The following PPM1L variants were observed in gnomAD, a reference collection of about 807,000 sequenced individuals.
PPM1L encodes protein phosphatase, Mg2+/Mn2+ dependent 1L.
Under a neutral mutation model 31.4 loss-of-function variants are expected in PPM1L, and 13 were observed. The ratio of observed to expected loss-of-function variants is 0.41; its 90% confidence interval spans 0.27 to 0.66. The LOEUF (loss-of-function observed/expected upper bound fraction) is 0.66. Ranked by LOEUF, PPM1L falls within the 30% of genes least tolerant of loss-of-function variation. The probability of loss-of-function intolerance (pLI) is 0.29; values close to 1 mark genes in which losing one functional copy is unlikely to be tolerated. For missense variants in PPM1L, 326 were observed against 453.7 expected, an observed-to-expected ratio of 0.72 and a Z score of 2.56; for synonymous variants, 184 against 175.4, an observed-to-expected ratio of 1.05 and a Z score of -0.39.
intron 1 of PPM1L, among the ~76,000 whole-genome samples, chr3:160,892,504 T>C (rs1413569818): frequency 2.0e-5 from 3 of 152,078 alleles, no homozygotes; most frequent in African/African-American, 7.2e-5. Flanking sequence ...TGGACAAATA[T>C]CCAAACCATG....
intron 1 of PPM1L, among the ~76,000 whole-genome samples, chr3:160,768,199 G>A (rs1025523377): frequency 2.6e-5 from 4 of 152,238 alleles, no homozygotes; most frequent in Middle Eastern, 3.4e-3. Context: ...GATAGGTCTG[G>A]CAGGGATTTT....
chr3:160,875,776 G>A (rs1426140197), intron 1 of PPM1L, among the ~76,000 whole-genome samples: 1 of 152,158 alleles, frequency 6.6e-6, no homozygotes, highest in East Asian at 1.9e-4. Context: ...TGGTAGCTGG[G>A]ATTTGTATCC....
chr3:160,796,315 T>G (rs1439402399), intron 1 of PPM1L, among the ~76,000 whole-genome samples: 6 of 152,184 alleles, frequency 3.9e-5, no homozygotes, highest in Admixed American at 1.3e-4. Context: ...AGGTGGGGTC[T>G]GGGGCAGGGT....
chr3:160,994,928 G>A (rs540088348), intron 2 of PPM1L, among the ~76,000 whole-genome samples: 3 of 152,266 alleles, frequency 2.0e-5, no homozygotes, highest in South Asian at 2.1e-4. Flanking sequence ...CAAGAAAGGC[G>A]CTCCAGGCAA....
chr3:160,880,219 T>G (rs1560136434), intron 1 of PPM1L, among the ~76,000 whole-genome samples: 1 of 152,148 alleles, frequency 6.6e-6, no homozygotes, highest in Non-Finnish European at 1.5e-5. Flanking sequence ...ACCATTACCT[T>G]ACAGCATTCA....
chr3:160,918,616 G>A (rs1011000402), intron 1 of PPM1L, among the ~76,000 whole-genome samples: 2 of 152,102 alleles, frequency 1.3e-5, no homozygotes, highest in Non-Finnish European at 2.9e-5. Flanking sequence ...GTTCTTATTT[G>A]ATATAAAAAT....
chr3:160,764,688 G>A (rs1037514289), intron 1 of PPM1L, among the ~76,000 whole-genome samples: 2 of 152,032 alleles, frequency 1.3e-5, no homozygotes, highest in African/African-American at 4.8e-5. Context: ...GGCTGGTCAT[G>A]AACTCCTGAC....
rs1559897294 is a variant in PPM1L at position 160,944,880 on chromosome 3, A to ATGT, written c.400-16855_400-16854insGTT. Among the ~76,000 whole-genome samples, 122 of 16,468 alleles carry ATGT rather than the reference A, an allele frequency of 7.4e-3. 7 individuals are homozygous for ATGT. The highest frequency in any genetic ancestry group is 0.017 in the African/African-American group (102 of 5,972). The allele number at this position is 16,468 out of a possible 152,430, so 10.8% of individuals were successfully genotyped here. A position where few individuals can be genotyped will look rare whatever the true frequency, so the allele number is the denominator to read the frequency against. ...TATTATATATAATGTTATATATAACATATATATTATATATAACTGATGTTA... is the reference window on the plus strand; with the variant it reads ...TATTATATATAATGTTATATATAACATGTTATATATTATATATAACTGATGTTA... On this transcript the variant is annotated intron_variant, in intron 1 of 3. Coordinates refer to ENST00000498165, the MANE Select transcript of PPM1L (RefSeq NM_139245.4).
At chr3:160,830,396 A>ACTAGC (rs2108097043) in intron 1 of PPM1L, among the ~76,000 whole-genome samples, 1 of 152,286 alleles carries the variant, frequency 6.6e-6, no homozygotes, top group African/African-American at 2.4e-5. Context: ...AGCAGTGACA[A>ACTAGC]CTAGCATGCA....
At chr3:160,764,435 T>C (rs1456622699) in intron 1 of PPM1L, among the ~76,000 whole-genome samples, 2 of 151,884 alleles carry the variant, frequency 1.3e-5, no homozygotes, top group Non-Finnish European at 2.9e-5. Flanking sequence ...GCTTTATATT[T>C]GATTTGTTAT....
In PPM1L at chr3:161,072,872, TTCC is replaced by T. The variant is rs1719974738; in HGVS notation, c.*3720_*3722del. 6.6e-6 allele frequency: 1 copy of T among 152,254 alleles called. No individual in the cohort carries two copies. Among genetic ancestry groups the T allele is most frequent in the East Asian group, 1.9e-4 (1 of 5,204 alleles). 9.4% of individuals were successfully genotyped at this position (152,254 alleles called of 1,614,324 possible). A position where few individuals can be genotyped will look rare whatever the true frequency, so the allele number is the denominator to read the frequency against. On this transcript the variant is annotated 3_prime_UTR_variant, in exon 4 of 4. Coordinates refer to ENST00000498165, the MANE Select transcript of PPM1L (RefSeq NM_139245.4). ...TTCCAATGATTTCAGAAATTCTTTT[TTCC>T]TCCTTTTGACCCACAACTAGACTGT...
intron 1 of PPM1L, among the ~76,000 whole-genome samples, chr3:160,924,895 T>G (rs1171725000): frequency 6.6e-6 from 1 of 152,240 alleles, no homozygotes; most frequent in Non-Finnish European, 1.5e-5. Context: ...CATTTAGATT[T>G]CCTTTCTGGT....
chr3:160,783,065 A>G lies in PPM1L; in HGVS notation c.399+26358A>G, dbSNP rs572776045. Among the ~76,000 whole-genome samples, 4 of 152,186 alleles carry G rather than the reference A, an allele frequency of 2.6e-5. No individual in the cohort carries two copies. In the East Asian group the frequency reaches 7.7e-4, roughly 29 times the overall value. On this transcript the variant is annotated intron_variant, in intron 1 of 3. Coordinates refer to ENST00000498165, the MANE Select transcript of PPM1L (RefSeq NM_139245.4). The stretch of plus-strand genomic sequence containing the variant: ...CTTCTGAGCAACTATAGAAATGTAC[A>G]TACTTCAAGACCTGGAACTGTTTAT...
intron 1 of PPM1L, among the ~76,000 whole-genome samples, chr3:160,839,313 G>T (rs1713801390): frequency 6.6e-6 from 1 of 152,150 alleles, no homozygotes; most frequent in African/African-American, 2.4e-5. Flanking sequence ...AACCTTTCTA[G>T]TACATTTTTT....
Position 160,756,732 on chromosome 3 carries a change from A to G in PPM1L, c.399+25A>G. ...GGTAGGAGCTACCCCGGGGCTTTGT[A>G]TTTGTGTCCGTGTATGTCTCGTGTG... is the stretch of plus-strand genomic sequence containing the variant. On this transcript the variant is annotated intron_variant, in intron 1 of 3. Coordinates refer to ENST00000498165, the MANE Select transcript of PPM1L (RefSeq NM_139245.4). This position sits in a 1 kb window ranked among gnomAD's most constrained non-coding sequence, Gnocchi z 6.2. The G allele has an allele frequency of 6.4e-7, 1 of 1,574,634 alleles. No homozygotes were observed. Among genetic ancestry groups the G allele is most frequent in the African/African-American group, 1.4e-5 (1 of 70,446 alleles).
chr3:160,927,630 G>A (rs775752306), intron 1 of PPM1L, among the ~76,000 whole-genome samples: 5 of 151,784 alleles, frequency 3.3e-5, no homozygotes, highest in African/African-American at 9.7e-5. Flanking sequence ...GTGTGTGTGC[G>A]TGCGTGTGCG....
chr3:160,814,138 C>T lies in PPM1L; in HGVS notation c.399+57431C>T, dbSNP rs1712894108. 2.6e-5 allele frequency among the ~76,000 whole-genome samples: 4 copies of T among 152,130 alleles called. No individual in the cohort carries two copies. The South Asian group carries it at 8.3e-4, about 32-fold the overall frequency. On this transcript the variant is annotated intron_variant, in intron 1 of 3. Transcript: ENST00000498165. ...GGAAGGGGCTTACAACCTTTTATGG[C>T]CTAGAAACTGCCTTTCTTTTCCCAC...
intron 1 of PPM1L, among the ~76,000 whole-genome samples, chr3:160,846,512 CA>C (rs1026174881): frequency 2.0e-5 from 3 of 152,068 alleles, no homozygotes; most frequent in African/African-American, 7.2e-5. Context: ...TTAGGATCCT[CA>C]CCTTGAAAGA....
chr3:160,821,651 G>A (rs937683118), intron 1 of PPM1L, among the ~76,000 whole-genome samples: 3 of 152,002 alleles, frequency 2.0e-5, no homozygotes, highest in African/African-American at 4.8e-5. Context: ...TCCTGCAGTG[G>A]ACGTAGGATT....
Sources: gnomAD v4.1 joint callset for allele counts (sites outside exome capture counted in the v4.1 genomes callset) on GRCh38, gnomAD v4.1.1 for gene constraint, Gnocchi (gnomAD v3.1) non-coding constraint, MANE v1.5 for transcripts, NCBI Gene and HGNC (gene_info 2026-07-23, HGNC 2026-07-21) for gene names.